TARDBP: variants seen among roughly 807,000 people sequenced by gnomAD.
TARDBP encodes TAR DNA-binding protein 43.
Under a neutral mutation model 38.3 loss-of-function variants are expected in TARDBP, and 4 were observed. The ratio of observed to expected loss-of-function variants is 0.10; its 90% CI spans 0.05 to 0.24. The LOEUF is 0.24. TARDBP is among the 10% of genes least tolerant of loss of function. The probability of loss-of-function intolerance (pLI) is 1.00; values close to 1 mark genes in which losing one functional copy is unlikely to be tolerated. For missense variants in TARDBP, 202 were observed against 521.9 expected, an observed-to-expected ratio of 0.39 and a Z score of 5.97; for synonymous variants, 184 against 183.8, an observed-to-expected ratio of 1.00 and a Z score of -0.01.
chr1:11,017,118 G>A lies in TARDBP; in HGVS notation c.402+111G>A, dbSNP rs529271784. On this transcript the variant is annotated intron_variant, in intron 3 of 5. Transcript: ENST00000240185. The stretch of plus-strand genomic sequence containing the variant: ...ATCACTATGTTCCCTAGGTTCTGGC[G>A]TCAAACTCCTGGGCCCATACTGTCC... 6.9e-5 allele frequency: 86 copies of A among 1,246,302 alleles called. 1 individual carries two copies. In the South Asian group the frequency reaches 8.4e-4, roughly 12 times the overall value. 77.2% of individuals were successfully genotyped at this position (1,246,302 alleles called of 1,614,324 possible). A position where few individuals can be genotyped will look rare whatever the true frequency, so the allele number is the denominator to read the frequency against.
At chr1:11,014,117 G>C in intron 2 of TARDBP, 152 bp downstream of exon 2, 1 of 818,710 alleles carries the variant, frequency 1.2e-6, no homozygotes, top group Non-Finnish European at 2.2e-6. Context: ...AAGACCACGA[G>C]TCTAAATTTA....
In TARDBP at chr1:11,018,721, C is replaced by T. The variant is rs1207737166; in HGVS notation, c.403-12C>T. 1 of 1,614,132 alleles carries T rather than the reference C, an allele frequency of 6.2e-7. No individual in the cohort carries two copies. Among genetic ancestry groups the T allele is most frequent in the South Asian group, 1.1e-5 (1 of 91,080 alleles). ...GTGCACTTTTAGAGTAAACTTGTAT[C>T]ATCCTTTCTAGGTCAAGAAAGATCT... On this transcript the variant is annotated splice_polypyrimidine_tract_variant and intron_variant, in intron 3 of 5. Coordinates refer to ENST00000240185, the MANE Select transcript of TARDBP (RefSeq NM_007375.4).
chr1:11,018,200 T>G (rs1643567192), intron 3 of TARDBP, among the ~76,000 whole-genome samples: 1 of 151,598 alleles, frequency 6.6e-6, no homozygotes, highest in Non-Finnish European at 1.5e-5. Flanking sequence ...TTTCTTTTCT[T>G]TTTGGAGACA....
At position 11,022,049 on chromosome 1, in the gene TARDBP, C is replaced by CT. The variant is rs202106921; in HGVS notation, c.715-74dup. ...CTTTAGATAAATTAATGCTTGTAAT[C>CT]TAAGTTTTGTTGCTACTTTAAATAT... On this transcript the variant is annotated intron_variant, in intron 5 of 5. Transcript: ENST00000240185. This position sits in a 1 kb window ranked among gnomAD's most constrained non-coding sequence, Gnocchi z 4.5. 5.5e-3 allele frequency: 8,519 copies of CT among 1,558,204 alleles called. 32 individuals are homozygous for CT. Among genetic ancestry groups the CT allele is most frequent in the Non-Finnish European group, 6.5e-3 (7,387 of 1,132,336 alleles).
chr1:11,014,660 T>C (rs1327137705), intron 2 of TARDBP, among the ~76,000 whole-genome samples: 1 of 152,196 alleles, frequency 6.6e-6, no homozygotes, highest in African/African-American at 2.4e-5. Context: ...ACTTTAGGGC[T>C]AGGCACGGTG....
chr1:11,025,607 A>C (rs1643719574), downstream of TARDBP: 1 of 152,192 alleles, frequency 6.6e-6, no homozygotes, highest in South Asian at 2.1e-4. Flanking sequence ...AAATAATAAA[A>C]ATTGAGTCTC....
chr1:11,021,092 T>C (rs1643628182), intron 5 of TARDBP, among the ~76,000 whole-genome samples: 1 of 152,082 alleles, frequency 6.6e-6, no homozygotes, highest in African/African-American at 2.4e-5. Context: ...TAAAAGTAAA[T>C]ATGCCTTTAG....
At chr1:11,017,034 T>G in intron 3 of TARDBP, 27 bp downstream of exon 3, 1 of 1,612,580 alleles carries the variant, frequency 6.2e-7, no homozygotes, top group Non-Finnish European at 8.5e-7. Context: ...TCAAACAGTT[T>G]TTCTTTACCA....
chr1:11,030,088 C>A, downstream of TARDBP: 1 of 908,834 alleles, frequency 1.1e-6, no homozygotes, highest in East Asian at 2.5e-5. Flanking sequence ...TACATTTCTG[C>A]CTACCACAGC....
chr1:11,027,615 C>T (rs571956287), downstream of TARDBP: 29 of 1,613,668 alleles, frequency 1.8e-5, no homozygotes, highest in Admixed American at 1.0e-4. Context: ...TCCATATATA[C>T]GCCCTCCTGT....
At position 11,023,299 on chromosome 1, in the gene TARDBP, T is replaced by C. The variant is rs1643676829; in HGVS notation, c.*645T>C. 1 of 1,536,872 alleles carries C rather than the reference T, an allele frequency of 6.5e-7. No individual in the cohort carries two copies. The highest frequency in any genetic ancestry group is 1.4e-5 in the African/African-American group (1 of 72,926). On this transcript the variant is annotated 3_prime_UTR_variant, in exon 6 of 6. Transcript: ENST00000240185. ...ACATGCTTTCTCATTCAAGAATTCG[T>C]CATCACGCATCACAGGCCGCGTCTT...
chr1:11,020,622 G>A, intron 5 of TARDBP, 23 bp downstream of exon 5: 1 of 1,609,122 alleles, frequency 6.2e-7, no homozygotes, highest in Non-Finnish European at 8.5e-7. Context: ...TTAACGATAT[G>A]TCCCGGCCGG....
chr1:11,014,662 G>C (rs1643479673), intron 2 of TARDBP, among the ~76,000 whole-genome samples: 1 of 152,192 alleles, frequency 6.6e-6, no homozygotes. Context: ...TTTAGGGCTA[G>C]GCACGGTGAC....
chr1:11,026,421 C>G (rs993543102), downstream of TARDBP: 2 of 152,816 alleles, frequency 1.3e-5, no homozygotes, highest in African/African-American at 4.8e-5. Context: ...TTAGTCAATA[C>G]CTGGGCTGAA....
downstream of TARDBP, chr1:11,030,344 G>A (rs1643823326): frequency 4.7e-6 from 4 of 842,782 alleles, no homozygotes; most frequent in Non-Finnish European, 3.9e-6. Context: ...TGATTCTTGA[G>A]CATCAGTGGG....
chr1:11,029,934 A>AT (rs1643813680), downstream of TARDBP: 1 of 352,512 alleles, frequency 2.8e-6, no homozygotes, highest in Non-Finnish European at 5.1e-6. Flanking sequence ...AAATCATTTA[A>AT]TTTTTTATGC....
downstream of TARDBP, chr1:11,027,461 C>T: frequency 6.2e-7 from 1 of 1,614,040 alleles, no homozygotes; most frequent in Non-Finnish European, 8.5e-7. Context: ...TTCGAATGTC[C>T]AGGGCGGATG....
In TARDBP at chr1:11,013,778, A is replaced by G; in HGVS notation, c.51A>G (p.Glu17=). 6.2e-7 allele frequency: 1 copy of G among 1,613,712 alleles called. No individual in the cohort carries two copies. Among genetic ancestry groups the G allele is most frequent in the Non-Finnish European group, 8.5e-7 (1 of 1,179,724 alleles). ...VTEDENDEPI[E]IPSEDDGTVL... is the part of the protein sequence containing the mutation. ...AAGATGAGAACGATGAGCCCATTGA[A>G]ATACCATCGGAAGACGATGGGACGG... Residue 17 remains glutamate (E), a synonymous_variant, in exon 2 of 6, where the codon GAA becomes GAG. Transcript: ENST00000240185.
intron 3 of TARDBP, among the ~76,000 whole-genome samples, chr1:11,018,135 G>A (rs1004911173): frequency 2.6e-5 from 4 of 152,044 alleles, no homozygotes; most frequent in African/African-American, 4.8e-5. Context: ...GCCCGCCTCC[G>A]CCTCCCAAAG....
Sources: allele counts gnomAD v4.1 joint callset (sites outside exome capture counted in the v4.1 genomes callset), GRCh38; gene constraint gnomAD v4.1.1; non-coding constraint Gnocchi (gnomAD v3.1); transcripts MANE v1.5; gene names NCBI Gene and HGNC (gene_info 2026-07-23, HGNC 2026-07-21).